TPRG1: variants seen among roughly 807,000 people sequenced by gnomAD.
TPRG1 encodes tumor protein p63 regulated 1.
Under a neutral mutation model 29.3 loss-of-function variants are expected in TPRG1, and 29 were observed. That is an observed-to-expected ratio of 0.99 (90% CI 0.74 to 1.35). The LOEUF is 1.35. TPRG1 is among the 40% of genes most tolerant of loss of function. TPRG1 has a pLI of 0.00. For synonymous variants in TPRG1, 130 were observed against 116.8 expected (o/e 1.11, Z -0.73); for missense variants, 327 against 335.0 (o/e 0.98, Z 0.19).
chr3:189,057,085 C>G (rs1282284316), intron 4 of TPRG1, among the ~76,000 whole-genome samples: 3 of 152,186 alleles, frequency 2.0e-5, no homozygotes, highest in Admixed American at 6.5e-5. Flanking sequence ...CATGCTTTCT[C>G]TAAGCTCTCT....
chr3:189,292,668 G>A (rs1719215683), intron 4 of TPRG1, among the ~76,000 whole-genome samples: 1 of 152,084 alleles, frequency 6.6e-6, no homozygotes, highest in South Asian at 2.1e-4. Flanking sequence ...TTCAGGGGTG[G>A]CTTTAACTTC....
intron 4 of TPRG1, among the ~76,000 whole-genome samples, chr3:189,056,198 C>T (rs1002216980): frequency 5.9e-5 from 9 of 151,980 alleles, no homozygotes; most frequent in African/African-American, 1.7e-4. Context: ...CGGGTCCAAG[C>T]GAGTCTCATG....
chr3:189,059,162 T>G (rs1715926303), intron 4 of TPRG1, among the ~76,000 whole-genome samples: 1 of 152,184 alleles, frequency 6.6e-6, no homozygotes, highest in African/African-American at 2.4e-5. Flanking sequence ...TTCATAGGAT[T>G]GTTTTGAGGA....
chr3:189,033,946 C>A (rs539689177), intron 4 of TPRG1, among the ~76,000 whole-genome samples: 1 of 152,232 alleles, frequency 6.6e-6, no homozygotes, highest in Admixed American at 6.5e-5. Context: ...ACCAACAAAG[C>A]TTGTAGAGGG....
chr3:189,231,944 TG>T (rs1738725760), intron 3 of TPRG1, among the ~76,000 whole-genome samples: 4 of 34,046 alleles, frequency 1.2e-4, no homozygotes, highest in African/African-American at 9.0e-4. Flanking sequence ...AAACCTGGTT[TG>T]TGTGTGTGTG....
chr3:189,201,776 A>G (rs768755287), intron 1 of TPRG1, among the ~76,000 whole-genome samples: 1 of 151,896 alleles, frequency 6.6e-6, no homozygotes, highest in Non-Finnish European at 1.5e-5. Flanking sequence ...CTGCCTCCCA[A>G]GTAGCTGAGA....
chr3:189,275,035 A>T (rs1715887179), intron 4 of TPRG1, among the ~76,000 whole-genome samples: 1 of 151,108 alleles, frequency 6.6e-6, no homozygotes, highest in South Asian at 2.1e-4. Context: ...TTCATCAAAT[A>T]TTTATTGAGG....
At position 189,313,523 on chromosome 3, in the gene TPRG1, G is replaced by A. The variant is rs553262877; in HGVS notation, c.633+2984G>A. 7.2e-5 allele frequency among the ~76,000 whole-genome samples: 11 copies of A among 152,030 alleles called. No individual in the cohort carries two copies. In the East Asian group the frequency reaches 1.4e-3, roughly 19 times the overall value. On this transcript the variant is annotated intron_variant, in intron 5 of 5. Transcript: ENST00000345063. ...AAGAAAACTATTGTCTCACGGGGAG[G>A]GAATAACATAGAGCTGAGTTATGCA...
intron 4 of TPRG1, among the ~76,000 whole-genome samples, chr3:189,286,902 T>C (rs137993703): frequency 1.3e-3 from 204 of 152,244 alleles, no homozygotes; most frequent in African/African-American, 4.7e-3. Flanking sequence ...TCCTGTATCC[T>C]TCTAACGAAC....
In TPRG1 at chr3:189,310,251, T is replaced by C. The variant is rs952817029; in HGVS notation, c.480-135T>C. 68 of 666,430 alleles carry C rather than the reference T, an allele frequency of 1.0e-4. 1 individual carries two copies. Among genetic ancestry groups the C allele is most frequent in the Admixed American group, 3.2e-4 (9 of 28,124 alleles). The allele number at this position is 666,430 out of a possible 1,614,324, so 41.3% of individuals were successfully genotyped here. A position where few individuals can be genotyped will look rare whatever the true frequency, so the allele number is the denominator to read the frequency against. On this transcript the variant is annotated intron_variant, in intron 4 of 5. Transcript: ENST00000345063. ...TTTTAAAACCTAATTCACCTTTTTC[T>C]TCTCACCCCCTAAAATCTTTTGAAC...
At chr3:189,180,099 A>C (rs1730014903) in intron 1 of TPRG1, among the ~76,000 whole-genome samples, 1 of 152,158 alleles carries the variant, frequency 6.6e-6, no homozygotes, top group Non-Finnish European at 1.5e-5. Context: ...AAACCATCAG[A>C]TCCCGTGAGA....
chr3:189,023,224 G>A (rs1037778703), intron 3 of TPRG1, among the ~76,000 whole-genome samples: 9 of 152,210 alleles, frequency 5.9e-5, no homozygotes, highest in Non-Finnish European at 1.2e-4. Context: ...GACCGGAGCT[G>A]TTCCTATTCG....
At chr3:189,115,770 C>T (rs1201450034) in intron 1 of TPRG1, among the ~76,000 whole-genome samples, 1 of 152,174 alleles carries the variant, frequency 6.6e-6, no homozygotes, top group Non-Finnish European at 1.5e-5. Context: ...ATTGCATTCA[C>T]TATGGAGGAG....
chr3:189,125,325 C>G (rs1034939752), intron 1 of TPRG1, among the ~76,000 whole-genome samples: 5 of 152,072 alleles, frequency 3.3e-5, no homozygotes, highest in Non-Finnish European at 5.9e-5. Context: ...AGATATTAAT[C>G]CCAGTTAACC....
intron 4 of TPRG1, among the ~76,000 whole-genome samples, chr3:189,094,807 A>G (rs1718567699): frequency 6.6e-6 from 1 of 151,988 alleles, no homozygotes; most frequent in Non-Finnish European, 1.5e-5. Flanking sequence ...AGGTGAGAGA[A>G]CTCCATAACT....
chr3:189,105,769 A>G (rs1466092431), intron 1 of TPRG1, among the ~76,000 whole-genome samples: 1 of 152,158 alleles, frequency 6.6e-6, no homozygotes, highest in Non-Finnish European at 1.5e-5. Flanking sequence ...TGTCCTTCCG[A>G]CATAATAATT....
chr3:189,153,231 A>G (rs1408124539), intron 5 of TPRG1, among the ~76,000 whole-genome samples: 1 of 152,220 alleles, frequency 6.6e-6, no homozygotes, highest in Non-Finnish European at 1.5e-5. Flanking sequence ...TTTTTTAAAT[A>G]AAGATTTTAT....
chr3:189,082,979 A>G (rs1304138685), intron 4 of TPRG1, among the ~76,000 whole-genome samples: 7 of 152,306 alleles, frequency 4.6e-5, no homozygotes, highest in Non-Finnish European at 2.9e-5. Context: ...GGGTGGGGTC[A>G]GAGCCTAGGA....
At position 189,234,666 on chromosome 3, in the gene TPRG1, T is replaced by C. The variant is rs947017849; in HGVS notation, c.303-4067T>C. On this transcript the variant is annotated intron_variant, in intron 3 of 5. Transcript: ENST00000345063. ...TTGTGCAGTGCCAGGATAGCTTGTG[T>C]TTTTAGTAATTCATTTCAGAAGTAT... Among the ~76,000 whole-genome samples, 3 of 152,186 alleles carry C rather than the reference T, an allele frequency of 2.0e-5. 1 individual carries two copies. The highest frequency in any genetic ancestry group is 4.8e-5 in the African/African-American group (2 of 41,436).
Sources: allele counts gnomAD v4.1 joint callset (sites outside exome capture counted in the v4.1 genomes callset), GRCh38; gene constraint gnomAD v4.1.1; transcripts MANE v1.5; gene names NCBI Gene and HGNC (gene_info 2026-07-23, HGNC 2026-07-21).